Variants in SH3BGRL observed in about 807,000 individuals in gnomAD.
The protein encoded by SH3BGRL is SH3 domain binding glutamate rich protein like.
A neutral mutation model predicts 9.8 loss-of-function variants in SH3BGRL; 7 were observed. The observed-to-expected ratio is 0.72, with a 90% CI of 0.41 to 1.35. The LOEUF is 1.35. Ranked by LOEUF, SH3BGRL falls within the 40% of genes most tolerant of loss-of-function variation. The pLI is 0.01. For synonymous variants in SH3BGRL, 36 were observed against 29.1 expected (o/e 1.24, Z -0.76); for missense variants, 73 against 84.4 (o/e 0.86, Z 0.53).
chrX:81,264,092 A>G lies in SH3BGRL; in HGVS notation c.46-12892A>G, dbSNP rs1229788421. On this transcript the variant is annotated intron_variant, in intron 1 of 3. Coordinates refer to ENST00000373212, the MANE Select transcript of SH3BGRL (RefSeq NM_003022.3). ...GCTGGTCAAGAGAAAGGAGATTATAATAACTAGGAATTCATGTTCACTCAT... is the reference window on the plus strand; with the variant it reads ...GCTGGTCAAGAGAAAGGAGATTATAGTAACTAGGAATTCATGTTCACTCAT... Among the ~76,000 whole-genome samples, 7 of 110,412 alleles carry G rather than the reference A, an allele frequency of 6.3e-5. No individual in the cohort carries two copies. In the Admixed American group the frequency reaches 6.8e-4, roughly 11 times the overall value.
chrX:81,296,516 C>T (rs1602634955), intron 3 of SH3BGRL, among the ~76,000 whole-genome samples: 1 of 111,149 alleles, frequency 9.0e-6, no homozygotes, highest in African/African-American at 3.3e-5. Context: ...AGTATCAGTC[C>T]TCCTGAGACT....
chrX:81,281,682 A>G (rs2075817362), intron 3 of SH3BGRL, among the ~76,000 whole-genome samples: 1 of 112,189 alleles, frequency 8.9e-6, no homozygotes, highest in South Asian at 3.7e-4. Context: ...GGAATCCTGG[A>G]AACACATCAA....
chrX:81,297,232 T>G lies in SH3BGRL; in HGVS notation c.*5T>G. The G allele has an allele frequency of 8.3e-7, 1 of 1,200,187 alleles. No individual in the cohort carries two copies. Among genetic ancestry groups the G allele is most frequent in the South Asian group, 1.8e-5 (1 of 55,845 alleles). ...CAAGCAAAGCAGCAAGCATGAACCTTAAGCACTGTGCTTTAAGCATCCTGA... is the reference window on the plus strand; with the variant it reads ...CAAGCAAAGCAGCAAGCATGAACCTGAAGCACTGTGCTTTAAGCATCCTGA... On this transcript the variant is annotated 3_prime_UTR_variant, in exon 4 of 4. Coordinates refer to ENST00000373212, the MANE Select transcript of SH3BGRL (RefSeq NM_003022.3).
At chrX:81,232,412 TGA>T (rs1181869494) in intron 1 of SH3BGRL, among the ~76,000 whole-genome samples, 2 of 109,803 alleles carry the variant, frequency 1.8e-5, no homozygotes, top group Non-Finnish European at 3.8e-5. Context: ...ATGATGATGA[TGA>T]TGATGATGAT....
At chrX:81,292,462 A>G (rs1484504360) in intron 3 of SH3BGRL, among the ~76,000 whole-genome samples, 7 of 111,503 alleles carry the variant, frequency 6.3e-5, no homozygotes, top group South Asian at 3.8e-4. Flanking sequence ...CTGGCCCACA[A>G]AACCATTTTA....
chrX:81,266,047 T>G (rs1250534505), intron 1 of SH3BGRL, among the ~76,000 whole-genome samples: 1 of 112,233 alleles, frequency 8.9e-6, no homozygotes, highest in Non-Finnish European at 1.9e-5. Flanking sequence ...ATGCAGTTGT[T>G]TGCTTTTTTC....
chrX:81,288,513 G>A (rs2075845180), intron 3 of SH3BGRL, among the ~76,000 whole-genome samples: 1 of 112,038 alleles, frequency 8.9e-6, no homozygotes, highest in African/African-American at 3.2e-5. Flanking sequence ...GTTTGCAAAT[G>A]ATATAATGTT....
intron 1 of SH3BGRL, among the ~76,000 whole-genome samples, chrX:81,249,052 A>G (rs2075700505): frequency 8.9e-6 from 1 of 112,163 alleles, no homozygotes; most frequent in Non-Finnish European, 1.9e-5. Flanking sequence ...GTTTATCTAT[A>G]TGCACTATGT....
intron 1 of SH3BGRL, among the ~76,000 whole-genome samples, chrX:81,203,031 G>A (rs935346176): frequency 5.4e-5 from 6 of 111,914 alleles, no homozygotes; most frequent in Non-Finnish European, 9.4e-5. Flanking sequence ...TGCTTCAAAT[G>A]ATAGGACTTT....
rs185269122 is a variant in SH3BGRL at position 81,287,396 on chromosome X, C to T, written c.312+8985C>T. Among the ~76,000 whole-genome samples the T allele has an allele frequency of 2.2e-3, 246 of 111,798 alleles. 1 individual carries two copies. The highest frequency in any genetic ancestry group is 5.5e-3 in the Admixed American group (58 of 10,520). The stretch of plus-strand genomic sequence containing the variant: ...GAAGAAATAGACAAATTTCTAGACA[C>T]GTACAATCAACCAAGATTGAACCAT... On this transcript the variant is annotated intron_variant, in intron 3 of 3. Coordinates refer to ENST00000373212, the MANE Select transcript of SH3BGRL (RefSeq NM_003022.3).
At chrX:81,222,684 G>A (rs1194166873) in intron 1 of SH3BGRL, among the ~76,000 whole-genome samples, 7 of 111,015 alleles carry the variant, frequency 6.3e-5, no homozygotes, top group Admixed American at 5.8e-4. Context: ...TTGGGTATAT[G>A]CCCAGTAATG....
chrX:81,221,763 T>A (rs1420967072), intron 1 of SH3BGRL, among the ~76,000 whole-genome samples: 1 of 112,152 alleles, frequency 8.9e-6, no homozygotes, highest in Non-Finnish European at 1.9e-5. Context: ...AACAATGATA[T>A]CTAGGTAGAA....
intron 3 of SH3BGRL, among the ~76,000 whole-genome samples, chrX:81,296,860 T>C (rs1240444412): frequency 9.0e-6 from 1 of 111,517 alleles, no homozygotes; most frequent in East Asian, 2.8e-4. Flanking sequence ...TAAACTTAAG[T>C]AACCATGTTT....
intron 1 of SH3BGRL, among the ~76,000 whole-genome samples, chrX:81,239,534 G>T (rs897501266): frequency 3.6e-5 from 4 of 111,675 alleles, no homozygotes. Flanking sequence ...CTAAAAAATG[G>T]TGGAAAAGGG....
intron 1 of SH3BGRL, among the ~76,000 whole-genome samples, chrX:81,272,628 T>C (rs1438369319): frequency 9.2e-6 from 1 of 109,017 alleles, no homozygotes; most frequent in Non-Finnish European, 1.9e-5. Flanking sequence ...AGCCTCCTGG[T>C]AGCTGGGACT....
rs2075799788 is a variant in SH3BGRL, at chrX:81,276,853, A to C, written c.46-131A>C. 38 of 527,682 alleles carry C rather than the reference A, an allele frequency of 7.2e-5. No individual in the cohort carries two copies. In the South Asian group the frequency reaches 1.3e-3, roughly 18 times the overall value. The allele number at this position is 527,682 out of a possible 1,213,427, so 43.5% of individuals were successfully genotyped here. Reference sequence around the variant, plus strand: ...GTGAGGCATTATTAACAATACAATAATAAAGAGTGAAAATCATATAACTTC... The same window carrying C: ...GTGAGGCATTATTAACAATACAATACTAAAGAGTGAAAATCATATAACTTC... On this transcript the variant is annotated intron_variant, in intron 1 of 3. Coordinates refer to ENST00000373212, the MANE Select transcript of SH3BGRL (RefSeq NM_003022.3).
chrX:81,212,700 C>A (rs911285390), intron 1 of SH3BGRL, among the ~76,000 whole-genome samples: 2 of 111,240 alleles, frequency 1.8e-5, no homozygotes, highest in African/African-American at 6.6e-5. Flanking sequence ...TCTGACTCAA[C>A]CCATGAGTTG....
Position 81,264,463 on chromosome X carries a change from C to T in SH3BGRL, c.46-12521C>T, listed in dbSNP as rs776885705. Among the ~76,000 whole-genome samples the T allele has an allele frequency of 6.3e-5, 7 of 111,893 alleles. No homozygotes were observed. The East Asian group carries it at 8.5e-4, about 14-fold the overall frequency. ...ATATTCAGAAAACACTTAACAAGCA[C>T]TCAACAAATGTTAGTCTTCTGTCCG... On this transcript the variant is annotated intron_variant, in intron 1 of 3. Transcript: ENST00000373212.
intron 1 of SH3BGRL, chrX:81,236,990 C>G (rs1285671794): frequency 2.1e-6 from 1 of 473,803 alleles, no homozygotes; most frequent in African/African-American, 2.6e-5. Context: ...AAGGAACCTT[C>G]AGTAAGAAAG....
Sources: gnomAD v4.1 joint callset for allele counts (sites outside exome capture counted in the v4.1 genomes callset) on GRCh38, gnomAD v4.1.1 for gene constraint, MANE v1.5 for transcripts, NCBI Gene and HGNC (gene_info 2026-07-23, HGNC 2026-07-21) for gene names.